RAB11FIP4: variants seen among roughly 807,000 people sequenced by gnomAD.
RAB11FIP4 encodes rab11 family-interacting protein 4.
Under a neutral mutation model 74.3 loss-of-function variants are expected in RAB11FIP4, and 23 were observed. That is an observed-to-expected ratio of 0.31 (90% CI 0.22 to 0.44). The LOEUF (loss-of-function observed/expected upper bound fraction) is 0.44, where lower values mean the gene tolerates loss of function less well. RAB11FIP4 is among the 20% of genes least tolerant of loss of function. RAB11FIP4 has a pLI of 1.00. For synonymous variants in RAB11FIP4, 360 were observed against 359.9 expected (o/e 1.00, Z 0.00); for missense variants, 630 against 863.9 (o/e 0.73, Z 3.39).
intron 3 of RAB11FIP4, among the ~76,000 whole-genome samples, chr17:31,478,450 G>A (rs2071816525): frequency 6.6e-6 from 1 of 152,170 alleles, no homozygotes; most frequent in Non-Finnish European, 1.5e-5. Context: ...GTTGCCTTAA[G>A]GAAGCCTGGG....
chr17:31,443,287 C>T (rs1321049678), intron 3 of RAB11FIP4, among the ~76,000 whole-genome samples: 2 of 152,174 alleles, frequency 1.3e-5, no homozygotes, highest in Non-Finnish European at 2.9e-5. Flanking sequence ...TTTTGACATA[C>T]ATTAAATTTT....
Position 31,434,128 on chromosome 17 carries a change from G to T in RAB11FIP4, c.336+6G>T. On this transcript the variant is annotated splice_donor_region_variant and intron_variant, in intron 3 of 14. Transcript: ENST00000621161. ...TCCCAGACTGCGTGGAGCAGGTAAG[G>T]CTTGGGGGGCCTCAAGGACCTCCAT... 2 of 1,571,362 alleles carry T rather than the reference G, an allele frequency of 1.3e-6. No homozygotes were observed. Among genetic ancestry groups the T allele is most frequent in the Admixed American group, 3.8e-5 (2 of 53,292 alleles).
At chr17:31,485,512 G>A (rs568947445) in intron 3 of RAB11FIP4, among the ~76,000 whole-genome samples, 6 of 152,232 alleles carry the variant, frequency 3.9e-5, no homozygotes, top group South Asian at 2.1e-4. Flanking sequence ...GGTTCTGGAC[G>A]ATCCTGTCAT....
At chr17:31,447,281 G>A (rs566221239) in intron 3 of RAB11FIP4, among the ~76,000 whole-genome samples, 5 of 152,158 alleles carry the variant, frequency 3.3e-5, no homozygotes, top group Admixed American at 6.5e-5. Flanking sequence ...GTGAGACTCC[G>A]TCTCAAACAA....
chr17:31,443,726 A>G (rs1479872439), intron 3 of RAB11FIP4, among the ~76,000 whole-genome samples: 4 of 152,170 alleles, frequency 2.6e-5, no homozygotes, highest in Non-Finnish European at 5.9e-5. Context: ...CTTGGCCAAC[A>G]TGGCGAAACC....
rs755413157 is a variant in RAB11FIP4 at position 31,523,980 on chromosome 17, A to G, written c.1117A>G (p.Thr373Ala). The G allele has an allele frequency of 6.2e-7, 1 of 1,611,154 alleles. No individual in the cohort carries two copies. The highest frequency in any genetic ancestry group is 1.1e-5 in the South Asian group (1 of 90,568). ...GAAGAGCAAGCTGAAGCAAGAGAAC[A>G]CACAGCTGGTGCACAGGTCAAGCAG... ...DLKSKLKQEN[T>A]QLVHRVHELE... The change falls in exon 9 of 15, where the codon ACA (threonine) becomes GCA (alanine). Residue 373 changes from threonine to alanine, a missense_variant. Physicochemically the swap from Thr to Ala is moderately conservative, Grantham distance 58. Coordinates refer to ENST00000621161, the MANE Select transcript of RAB11FIP4 (RefSeq NM_032932.6).
intron 3 of RAB11FIP4, among the ~76,000 whole-genome samples, chr17:31,503,379 C>T (rs2072257928): frequency 6.7e-6 from 1 of 149,574 alleles, no homozygotes; most frequent in Admixed American, 6.6e-5. Flanking sequence ...CAGTCACATT[C>T]TGAAGTACTA....
chr17:31,520,943 A>G (rs1231111600), intron 4 of RAB11FIP4: 2 of 340,876 alleles, frequency 5.9e-6, no homozygotes, highest in Non-Finnish European at 1.1e-5. Flanking sequence ...GTGTTTTGCT[A>G]CTGTGGAGTA....
rs994980769 is a variant in RAB11FIP4 at position 31,536,039 on chromosome 17, G to T, written c.*4307G>T. ...CTGGTGCTGGTGTTCAGGGGAGTTG[G>T]GGGGGGGGGGCGCGGGGACAGAAGC... On this transcript the variant is annotated 3_prime_UTR_variant, in exon 15 of 15. Transcript: ENST00000621161. 2 of 26,886 alleles carry T rather than the reference G, an allele frequency of 7.4e-5. No individual in the cohort carries two copies. The highest frequency in any genetic ancestry group is 9.0e-4 in the South Asian group (1 of 1,108). The allele number at this position is 26,886 out of a possible 1,614,324, so 1.7% of individuals were successfully genotyped here.
At chr17:31,520,205 A>G (rs1163205033) in intron 4 of RAB11FIP4, among the ~76,000 whole-genome samples, 1 of 152,222 alleles carries the variant, frequency 6.6e-6, no homozygotes, top group Non-Finnish European at 1.5e-5. Context: ...ACGATCGAGT[A>G]TACAGGAGGA....
chr17:31,517,195 G>GA (rs1567687894), intron 3 of RAB11FIP4, among the ~76,000 whole-genome samples: 1 of 62,066 alleles, frequency 1.6e-5, no homozygotes, highest in African/African-American at 7.2e-5. Context: ...GCGGTGCGGG[G>GA]GGGGGGGCGG....
intron 1 of RAB11FIP4, among the ~76,000 whole-genome samples, chr17:31,396,692 C>T (rs1345385827): frequency 2.6e-5 from 4 of 152,196 alleles, no homozygotes; most frequent in African/African-American, 7.2e-5. Context: ...TACGTCCCCT[C>T]GGCAGTCAGA....
Position 31,531,815 on chromosome 17 carries a change from C to CTCA in RAB11FIP4, c.*84_*86dup, listed in dbSNP as rs1220919481. The CTCA allele has an allele frequency of 1.6e-5, 13 of 820,160 alleles. No individual in the cohort carries two copies. The allele number at this position is 820,160 out of a possible 1,614,324, so 50.8% of individuals were successfully genotyped here. A position where few individuals can be genotyped will look rare whatever the true frequency, so the allele number is the denominator to read the frequency against. ...CCAAGGATGCAGGCCTAAGCCGGGCCTCACACTCACACTGTAAATGTCTCT... is the reference window on the plus strand; with the variant it reads ...CCAAGGATGCAGGCCTAAGCCGGGCCTCATCACACTCACACTGTAAATGTCTCT... On this transcript the variant is annotated 3_prime_UTR_variant, in exon 15 of 15. Coordinates refer to ENST00000621161, the MANE Select transcript of RAB11FIP4 (RefSeq NM_032932.6).
In RAB11FIP4 at chr17:31,512,373, AG is replaced by A. The variant is rs2072467658; in HGVS notation, c.337-5277del. 6.6e-6 allele frequency among the ~76,000 whole-genome samples: 1 copy of A among 152,152 alleles called. No individual in the cohort carries two copies. ...CTTGTCCAAGGTCACATGGCTTGTA[AG>A]TGGCTGGGCCAGCAGGGCCGGAAAC... On this transcript the variant is annotated intron_variant, in intron 3 of 14. Coordinates refer to ENST00000621161, the MANE Select transcript of RAB11FIP4 (RefSeq NM_032932.6). The surrounding 1 kb of genome is among the most constrained non-coding windows in gnomAD (Gnocchi z 4.1).
intron 3 of RAB11FIP4, among the ~76,000 whole-genome samples, chr17:31,511,210 G>A (rs2142792785): frequency 6.6e-6 from 1 of 152,246 alleles, no homozygotes; most frequent in South Asian, 2.1e-4. Context: ...GTGAATGGTG[G>A]AGCAGGGCTC....
Position 31,426,737 on chromosome 17 carries a change from TACAGGTGC to T in RAB11FIP4, c.160-5072_160-5065del, listed in dbSNP as rs541780134. On this transcript the variant is annotated intron_variant, in intron 1 of 14. Transcript: ENST00000621161. ...CCTCGGCCTCCCAAGTAGCTGGGAC[TACAGGTGC>T]ACACCACCATGCCCAGCTACTTTTT... 4.5e-4 allele frequency among the ~76,000 whole-genome samples: 68 copies of T among 151,542 alleles called. 1 individual carries two copies. Among genetic ancestry groups the T allele is most frequent in the Admixed American group, 4.6e-4 (7 of 15,182 alleles).
chr17:31,457,383 T>G (rs2071588768), intron 3 of RAB11FIP4, among the ~76,000 whole-genome samples: 1 of 151,898 alleles, frequency 6.6e-6, no homozygotes, highest in African/African-American at 2.4e-5. Context: ...CAGGTCACAC[T>G]CTCACCTCTC....
chr17:31,524,058 C>T, intron 9 of RAB11FIP4, 62 bp downstream of exon 9: 1 of 1,219,016 alleles, frequency 8.2e-7, no homozygotes, highest in South Asian at 1.3e-5. Context: ...GGGGGTCCAT[C>T]TTGCTAAGAC....
At chr17:31,457,782 CTCTT>C (rs765339805) in intron 3 of RAB11FIP4, among the ~76,000 whole-genome samples, 8 of 151,960 alleles carry the variant, frequency 5.3e-5, no homozygotes, top group Admixed American at 2.0e-4. Context: ...TGTGCTCTCT[CTCTT>C]TGTGTGTGTC....
Sources: gnomAD v4.1 joint callset for allele counts (sites outside exome capture counted in the v4.1 genomes callset) on GRCh38, gnomAD v4.1.1 for gene constraint, Gnocchi (gnomAD v3.1) non-coding constraint, MANE v1.5 for transcripts, NCBI Gene and HGNC (gene_info 2026-07-23, HGNC 2026-07-21) for gene names.